The following TMEM132B variants were observed in gnomAD, a reference collection of about 807,000 sequenced individuals.
The protein encoded by TMEM132B is transmembrane protein 132B.
TMEM132B carries 18 observed loss-of-function variants against 90.8 expected under a neutral mutation model. The ratio of observed to expected loss-of-function variants is 0.20; its 90% CI spans 0.14 to 0.29. The LOEUF (loss-of-function observed/expected upper bound fraction) is 0.29. TMEM132B is among the 10% of genes least tolerant of loss of function. TMEM132B has a pLI of 1.00. For synonymous variants in TMEM132B, 504 were observed against 523.3 expected, an observed-to-expected ratio of 0.96 and a Z score of 0.50; for missense variants, 1,096 against 1,326.8, an observed-to-expected ratio of 0.83 and a Z score of 2.70.
chr12:125,539,692 C>T (rs184489735), intron 4 of TMEM132B, among the ~76,000 whole-genome samples: 1 of 152,322 alleles, frequency 6.6e-6, no homozygotes, highest in Non-Finnish European at 1.5e-5. Flanking sequence ...TCTAGACTCT[C>T]TAGTGATGTC....
intron 3 of TMEM132B, among the ~76,000 whole-genome samples, chr12:125,418,750 G>A (rs950540236): frequency 2.0e-5 from 3 of 152,148 alleles, no homozygotes; most frequent in Non-Finnish European, 2.9e-5. Flanking sequence ...GGGAAGACCC[G>A]ACATGCTCAG....
At chr12:125,243,032 T>TATATATATATATATATATATATATACAC (rs1215676534) in intron 1 of TMEM132B, among the ~76,000 whole-genome samples, 29 of 134,996 alleles carry the variant, frequency 2.1e-4, no homozygotes, top group Non-Finnish European at 3.2e-4. Context: ...TATATATATA[T>TATATATATATATATATATATATATACAC]ACACACACAC....
chr12:125,391,653 G>C (rs1879022827), intron 2 of TMEM132B, among the ~76,000 whole-genome samples: 1 of 152,054 alleles, frequency 6.6e-6, no homozygotes, highest in Non-Finnish European at 1.5e-5. Flanking sequence ...CTTGCGTTCT[G>C]CTCCCTCCCA....
rs1468321920 is a variant in TMEM132B, at chr12:125,407,238, G to A, written c.960-8293G>A. ...CTCTTATCAGGCAAGAAATTCCAAAGGCTTAAAAGTTAGTTCTCAGGAGGT... is the reference window on the plus strand; with the variant it reads ...CTCTTATCAGGCAAGAAATTCCAAAAGCTTAAAAGTTAGTTCTCAGGAGGT... On this transcript the variant is annotated intron_variant, in intron 2 of 8. Transcript: ENST00000682704. The surrounding 1 kb of genome is among the most constrained non-coding windows in gnomAD (Gnocchi z 6.7). Among the ~76,000 whole-genome samples, 5 of 152,196 alleles carry A rather than the reference G, an allele frequency of 3.3e-5. No homozygotes were observed. In the East Asian group the frequency reaches 5.8e-4, roughly 18 times the overall value.
At chr12:125,468,688 G>A (rs1881634384) in intron 3 of TMEM132B, among the ~76,000 whole-genome samples, 2 of 152,216 alleles carry the variant, frequency 1.3e-5, no homozygotes, top group Non-Finnish European at 2.9e-5. Context: ...TGTTTGAGCA[G>A]TATGGACATT....
At chr12:125,310,473 A>G (rs1876095670) in intron 1 of TMEM132B, among the ~76,000 whole-genome samples, 1 of 152,172 alleles carries the variant, frequency 6.6e-6, no homozygotes, top group Admixed American at 6.5e-5. Context: ...TGAGGTGCAG[A>G]GCTCTTGAGT....
intron 5 of TMEM132B, among the ~76,000 whole-genome samples, chr12:125,611,663 CTGAT>C (rs375907973): frequency 6.6e-6 from 1 of 151,994 alleles, no homozygotes; most frequent in African/African-American, 2.4e-5. Context: ...TATTGGCTGA[CTGAT>C]TGGTTATTTA....
intron 1 of TMEM132B, among the ~76,000 whole-genome samples, chr12:125,334,262 G>A (rs756213038): frequency 5.9e-5 from 9 of 152,162 alleles, no homozygotes; most frequent in African/African-American, 1.2e-4. Flanking sequence ...TTCATAGCTC[G>A]TGCAAGCATG....
intron 1 of TMEM132B, among the ~76,000 whole-genome samples, chr12:125,197,945 G>A (rs1316709340): frequency 1.3e-5 from 2 of 152,200 alleles, no homozygotes; most frequent in Non-Finnish European, 2.9e-5. Flanking sequence ...AGTAGCACAT[G>A]TGTGTGTGAG....
At position 125,519,488 on chromosome 12, in the gene TMEM132B, A is replaced by T. The variant is rs575623220; in HGVS notation, c.1156A>T (p.Asn386Tyr). The T allele has an allele frequency of 6.2e-7, 1 of 1,614,088 alleles. No individual in the cohort carries two copies. Among genetic ancestry groups the T allele is most frequent in the Admixed American group, 1.7e-5 (1 of 60,014 alleles). ...EILQVDFGID[N>Y]SSDLAGAQQI... ...CTTGCAAGTGGACTTTGGAATTGAT[A>T]ATAGCAGTGACCTGGCTGGGGCCCA... Residue 386 changes from asparagine to tyrosine, a missense_variant, in exon 4 of 9, where the codon AAT becomes TAT. Physicochemically the swap from Asn to Tyr is moderately radical, Grantham distance 143. Coordinates refer to ENST00000682704, the MANE Select transcript of TMEM132B (RefSeq NM_001366854.1).
chr12:125,583,230 T>C (rs79201467), intron 4 of TMEM132B, among the ~76,000 whole-genome samples: 2,846 of 152,168 alleles, frequency 0.019, 32 homozygotes, highest in Non-Finnish European at 0.03. Flanking sequence ...TACAGAACTC[T>C]GAGGGGATCA....
At chr12:125,461,978 C>T (rs1346961824) in intron 3 of TMEM132B, among the ~76,000 whole-genome samples, 1 of 152,192 alleles carries the variant, frequency 6.6e-6, no homozygotes, top group East Asian at 1.9e-4. Flanking sequence ...ATCTCATTGG[C>T]CCAGGCTGAG....
chr12:125,271,410 C>T (rs948935110), intron 1 of TMEM132B, among the ~76,000 whole-genome samples: 3 of 152,180 alleles, frequency 2.0e-5, no homozygotes, highest in African/African-American at 7.2e-5. Flanking sequence ...TTGACAGTGT[C>T]TGCCATGGGT....
At chr12:125,652,144 A>G (rs188369057) in intron 7 of TMEM132B, among the ~76,000 whole-genome samples, 121 of 152,362 alleles carry the variant, frequency 7.9e-4, no homozygotes, top group African/African-American at 2.7e-3. Flanking sequence ...TGAGTACCTA[A>G]TATCAATGGA....
At chr12:125,390,612 A>G (rs1478893749) in intron 2 of TMEM132B, among the ~76,000 whole-genome samples, 1 of 152,212 alleles carries the variant, frequency 6.6e-6, no homozygotes, top group Non-Finnish European at 1.5e-5. Flanking sequence ...AAAGCATTGC[A>G]TCTTTCTCGT....
chr12:125,505,430 G>A (rs1882821418), intron 3 of TMEM132B, among the ~76,000 whole-genome samples: 1 of 152,058 alleles, frequency 6.6e-6, no homozygotes, highest in South Asian at 2.1e-4. Context: ...CGGGTGCGGG[G>A]GCTCTTGCCT....
intron 3 of TMEM132B, among the ~76,000 whole-genome samples, chr12:125,494,627 CCT>C (rs1475000755): frequency 1.5e-5 from 2 of 130,400 alleles, no homozygotes; most frequent in African/African-American, 5.9e-5. Flanking sequence ...TCCTCCCCCT[CCT>C]CCCTGAAAAT....
chr12:125,247,031 G>A (rs1874222086), intron 1 of TMEM132B, among the ~76,000 whole-genome samples: 1 of 152,156 alleles, frequency 6.6e-6, no homozygotes, highest in South Asian at 2.1e-4. Flanking sequence ...TCTGAGAGGG[G>A]ACCCTCCCCT....
At chr12:125,312,627 G>T (rs554498927) in intron 1 of TMEM132B, among the ~76,000 whole-genome samples, 7 of 152,314 alleles carry the variant, frequency 4.6e-5, no homozygotes, top group African/African-American at 1.7e-4. Context: ...CTGATGGATG[G>T]CACAGCTAAT....
Sources: allele counts gnomAD v4.1 joint callset (sites outside exome capture counted in the v4.1 genomes callset), GRCh38; gene constraint gnomAD v4.1.1; non-coding constraint Gnocchi (gnomAD v3.1); transcripts MANE v1.5; gene names NCBI Gene and HGNC (gene_info 2026-07-23, HGNC 2026-07-21).